Variants in HIP1 observed in about 807,000 individuals in gnomAD.
HIP1 encodes the protein huntingtin-interacting protein 1.
Under a neutral mutation model 147.6 loss-of-function variants are expected in HIP1, and 65 were observed. That is an observed-to-expected ratio of 0.44 (90% confidence interval 0.36 to 0.54). The LOEUF is 0.54. HIP1 is among the 20% of genes least tolerant of loss of function. The probability of loss-of-function intolerance (pLI) is 0.00; values close to 1 mark genes in which losing one functional copy is unlikely to be tolerated. For synonymous variants in HIP1, 479 were observed against 504.0 expected (o/e 0.95, Z 0.67); for missense variants, 1,061 against 1,299.6 (o/e 0.82, Z 2.82).
intron 1 of HIP1, among the ~76,000 whole-genome samples, chr7:75,685,105 A>G (rs781817567): frequency 6.6e-6 from 1 of 151,716 alleles, no homozygotes; most frequent in Non-Finnish European, 1.5e-5. Context: ...AAAATAAATA[A>G]ATAAAAATAA....
At chr7:75,611,763 C>T (rs1797446324) in intron 1 of HIP1, 2 of 1,038,094 alleles carry the variant, frequency 1.9e-6, no homozygotes, top group African/African-American at 1.7e-5. Context: ...AGCCGTGTCT[C>T]CCCTGAAAGG....
rs1247000628 is a variant in HIP1 at position 75,561,385 on chromosome 7, G to C, written c.1135C>G (p.Arg379Gly). The change falls in exon 13 of 31, where the codon CGA becomes GGA. Residue 379 changes from arginine (R) to glycine (G), a missense_variant. Physicochemically the swap from Arg to Gly is moderately radical, Grantham distance 125. Coordinates refer to ENST00000336926, the MANE Select transcript of HIP1 (RefSeq NM_005338.7). Reference protein sequence around the residue: ...NKDEKDHLIERLYREISGLKA... With the variant: ...NKDEKDHLIEGLYREISGLKA... The stretch of plus-strand genomic sequence containing the variant: ...AATCCACTGATCTCTCTGTATAGTC[G>C]CTCAATTAAGTGGTCCCTGGGAAGA... 6.2e-7 allele frequency: 1 copy of C among 1,611,534 alleles called. No homozygotes were observed. The highest frequency in any genetic ancestry group is 8.5e-7 in the Non-Finnish European group (1 of 1,177,734).
At chr7:75,732,686 A>C (rs1801875702) in intron 1 of HIP1, among the ~76,000 whole-genome samples, 2 of 152,134 alleles carry the variant, frequency 1.3e-5, no homozygotes, top group African/African-American at 4.8e-5. Flanking sequence ...CGGCTCACCC[A>C]AAGAGATTTT....
Position 75,550,045 on chromosome 7 carries a change from C to T in HIP1, c.2296-1044G>A, listed in dbSNP as rs75064518. ...TTGCTTCCACAGTGATCATATGAGG[C>T]GGGTATTATTCCTACTGTGCAGATA... On this transcript the variant is annotated intron_variant, in intron 22 of 30. Transcript: ENST00000336926. Among the ~76,000 whole-genome samples the T allele has an allele frequency of 6.6e-5, 10 of 152,136 alleles. No individual in the cohort carries two copies. In the East Asian group the frequency reaches 1.3e-3, roughly 21 times the overall value.
chr7:75,589,683 C>CAAAAAAAAAA (rs1159535613), intron 4 of HIP1, among the ~76,000 whole-genome samples: 2 of 49,638 alleles, frequency 4.0e-5, no homozygotes, highest in African/African-American at 8.7e-5. Flanking sequence ...ACTCTGTCTC[C>CAAAAAAAAAA]AAAAAAAAAA....
At chr7:75,677,466 C>G (rs571571454) in intron 1 of HIP1, among the ~76,000 whole-genome samples, 2 of 150,384 alleles carry the variant, frequency 1.3e-5, no homozygotes, top group African/African-American at 4.9e-5. Context: ...ATTAGCTGGG[C>G]GTGGTGGCGG....
intron 1 of HIP1, among the ~76,000 whole-genome samples, chr7:75,599,821 G>A (rs1302886128): frequency 6.7e-6 from 1 of 148,690 alleles, no homozygotes; most frequent in African/African-American, 2.5e-5. Context: ...CCTCTCAATC[G>A]TTTTTAAAAT....
chr7:75,575,991 T>C (rs1009620362), intron 7 of HIP1, among the ~76,000 whole-genome samples: 4 of 152,000 alleles, frequency 2.6e-5, no homozygotes, highest in Admixed American at 2.0e-4. Flanking sequence ...CAGCTGTCAC[T>C]GCAAGGCAGC....
chr7:75,558,620 A>T (rs1795108661), intron 14 of HIP1, among the ~76,000 whole-genome samples: 1 of 152,090 alleles, frequency 6.6e-6, no homozygotes, highest in Non-Finnish European at 1.5e-5. Context: ...CCGGCCAAAG[A>T]TCTTCCTTTG....
intron 1 of HIP1, among the ~76,000 whole-genome samples, chr7:75,661,691 G>A (rs1799322445): frequency 6.6e-6 from 1 of 151,988 alleles, no homozygotes; most frequent in South Asian, 2.1e-4. Flanking sequence ...GCGAAGCAGG[G>A]AATGGGGAGC....
Position 75,722,503 on chromosome 7 carries a change from C to T in HIP1, c.120+16298G>A, listed in dbSNP as rs116676564. 3.0e-3 allele frequency among the ~76,000 whole-genome samples: 460 copies of T among 152,202 alleles called. 3 individuals carry two copies. Among genetic ancestry groups the T allele is most frequent in the African/African-American group, 0.011 (440 of 41,540 alleles). ...AAGTAAGACTTCCCGATTCCTAATC[C>T]AGTGCTCTGGGAGCTCTTGGCTCCT... On this transcript the variant is annotated intron_variant, in intron 1 of 30. Transcript: ENST00000336926.
At chr7:75,696,135 G>A (rs1220264494) in intron 1 of HIP1, among the ~76,000 whole-genome samples, 4 of 151,818 alleles carry the variant, frequency 2.6e-5, no homozygotes, top group African/African-American at 4.8e-5. Context: ...GGACAGGTGT[G>A]AGCCACCATG....
At chr7:75,595,371 C>T (rs1339544381) in intron 2 of HIP1, among the ~76,000 whole-genome samples, 7 of 150,164 alleles carry the variant, frequency 4.7e-5, no homozygotes, top group Non-Finnish European at 7.4e-5. Flanking sequence ...TAGACAGGGT[C>T]TCGCTCTGTT....
intron 14 of HIP1, 21 bp downstream of exon 14, chr7:75,559,711 C>G: frequency 8.3e-7 from 1 of 1,210,776 alleles, no homozygotes; most frequent in Non-Finnish European, 1.1e-6. Context: ...GGGCCCGCCC[C>G]CGCCCCCACC....
intron 1 of HIP1, among the ~76,000 whole-genome samples, chr7:75,692,641 G>T (rs980258306): frequency 7.3e-5 from 11 of 151,562 alleles, no homozygotes; most frequent in Admixed American, 4.6e-4. Context: ...TGTTGGCCAG[G>T]CTGGTCTCAA....
intron 7 of HIP1, among the ~76,000 whole-genome samples, chr7:75,574,678 G>T (rs2116894956): frequency 6.6e-6 from 1 of 152,230 alleles, no homozygotes; most frequent in South Asian, 2.1e-4. Context: ...GCCAATGATG[G>T]TTAGACCAGG....
intron 1 of HIP1, among the ~76,000 whole-genome samples, chr7:75,673,679 C>A (rs898015884): frequency 2.0e-5 from 3 of 151,816 alleles, no homozygotes; most frequent in Admixed American, 6.6e-5. Flanking sequence ...AGAAATACAA[C>A]TAAATTTTTA....
intron 1 of HIP1, chr7:75,733,577 C>T (rs1801915641): frequency 6.5e-6 from 1 of 153,318 alleles, no homozygotes; most frequent in African/African-American, 2.4e-5. Flanking sequence ...AGTGGTGCCT[C>T]CTCTGGCAGT....
At chr7:75,688,659 C>T (rs1267574616) in intron 1 of HIP1, among the ~76,000 whole-genome samples, 6 of 152,150 alleles carry the variant, frequency 3.9e-5, no homozygotes, top group Non-Finnish European at 7.4e-5. Context: ...CTCCCTCCCT[C>T]GGTGGCCTTT....
Sources: allele counts gnomAD v4.1 joint callset (sites outside exome capture counted in the v4.1 genomes callset), GRCh38; gene constraint gnomAD v4.1.1; transcripts MANE v1.5; gene names NCBI Gene and HGNC (gene_info 2026-07-23, HGNC 2026-07-21).